UPF2: variants seen among roughly 807,000 people sequenced by gnomAD.
The protein encoded by UPF2 is regulator of nonsense transcripts 2.
A neutral mutation model predicts 141.4 loss-of-function variants in UPF2; 17 were observed. The ratio of observed to expected loss-of-function variants is 0.12; its 90% CI spans 0.08 to 0.18. The LOEUF is 0.18. Ranked by LOEUF, UPF2 falls within the 10% of genes least tolerant of loss-of-function variation. The pLI is 1.00. For missense variants in UPF2, 1,152 were observed against 1,515.9 expected, an observed-to-expected ratio of 0.76 and a Z score of 3.99; for synonymous variants, 540 against 498.0, an observed-to-expected ratio of 1.08 and a Z score of -1.12.
Position 11,959,482 on chromosome 10 carries a change from G to C in UPF2, c.2185-126C>G. On this transcript the variant is annotated intron_variant, in intron 11 of 21. Coordinates refer to ENST00000357604, the MANE Select transcript of UPF2 (RefSeq NM_015542.4). The surrounding 1 kb of genome is among the most constrained non-coding windows in gnomAD (Gnocchi z 5.9). ...GGGTTAGAAAGGCAAAGAAAGGACT[G>C]GGCACTGTGGCTCACACCTATAATC... The C allele has an allele frequency of 1.0e-6, 1 of 996,666 alleles. No individual in the cohort carries two copies. Among genetic ancestry groups the C allele is most frequent in the African/African-American group, 1.6e-5 (1 of 60,846 alleles). The allele number at this position is 996,666 out of a possible 1,614,324, so 61.7% of individuals were successfully genotyped here.
intron 4 of UPF2, among the ~76,000 whole-genome samples, chr10:12,013,752 A>G (rs1477978696): frequency 6.6e-6 from 1 of 152,106 alleles, no homozygotes; most frequent in African/African-American, 2.4e-5. Flanking sequence ...TTTTAATACC[A>G]TTTCTTTATT....
At chr10:12,030,874 ACT>A (rs1158466779) in intron 2 of UPF2, among the ~76,000 whole-genome samples, 2 of 146,662 alleles carry the variant, frequency 1.4e-5, no homozygotes, top group African/African-American at 2.6e-5. Flanking sequence ...ACAGAGCAAG[ACT>A]CTGTCTCAAA....
intron 4 of UPF2, among the ~76,000 whole-genome samples, chr10:12,013,074 G>A (rs1301836803): frequency 2.7e-5 from 4 of 150,430 alleles, no homozygotes; most frequent in Admixed American, 6.6e-5. Context: ...GCAGTGAGCC[G>A]AGATTGTGCC....
At position 11,955,319 on chromosome 10, in the gene UPF2, G is replaced by C. The variant is rs1018460740; in HGVS notation, c.2763C>G (p.Leu921=). ...CACATGTGTCCAGAATAGTGCATAC[G>C]AGTCTAATTCTGAAAAGATGCTCAG... is the stretch of plus-strand genomic sequence containing the variant. The part of the protein sequence containing the change: ...DPPEHLFRIR[L]VCTILDTCGQ... The change falls in exon 14 of 22, where the codon CTC becomes CTG. Residue 921 remains leucine, a synonymous_variant. Transcript: ENST00000357604. The C allele has an allele frequency of 6.2e-7, 1 of 1,614,102 alleles. No individual in the cohort carries two copies. Among genetic ancestry groups the C allele is most frequent in the South Asian group, 1.1e-5 (1 of 91,074 alleles).
At chr10:12,012,627 G>T (rs111824576) in intron 4 of UPF2, among the ~76,000 whole-genome samples, 324 of 151,722 alleles carry the variant, frequency 2.1e-3, no homozygotes, top group African/African-American at 7.5e-3. Flanking sequence ...GTGAAACCCC[G>T]TCTCTACTAA....
chr10:11,938,846 TTTTTTTG>T lies in UPF2; in HGVS notation c.3379-2141_3379-2135del, dbSNP rs1298508857. Reference sequence around the variant, plus strand: ...TAGCCATGTGGTCTTAAGCAAGTTTTTTTTTTGTTTTTTTTTTTTTTTTTTTTTTTTT... The same window carrying T: ...TAGCCATGTGGTCTTAAGCAAGTTTTTTTTTTTTTTTTTTTTTTTTTTTTT... On this transcript the variant is annotated intron_variant, in intron 18 of 21. Coordinates refer to ENST00000357604, the MANE Select transcript of UPF2 (RefSeq NM_015542.4). Among the ~76,000 whole-genome samples, 9 of 118,862 alleles carry T rather than the reference TTTTTTTG, an allele frequency of 7.6e-5. No individual in the cohort carries two copies. In the East Asian group the frequency reaches 8.9e-4, roughly 12 times the overall value. 78.0% of individuals were successfully genotyped at this position (118,862 alleles called of 152,430 possible). A position where few individuals can be genotyped will look rare whatever the true frequency, so the allele number is the denominator to read the frequency against.
At chr10:11,949,823 A>C (rs1399475517) in intron 15 of UPF2, among the ~76,000 whole-genome samples, 1 of 152,244 alleles carries the variant, frequency 6.6e-6, no homozygotes, top group Admixed American at 6.5e-5. Flanking sequence ...CTGAGCCAGT[A>C]ATCCTATCTA....
intron 16 of UPF2, among the ~76,000 whole-genome samples, chr10:11,947,658 G>A (rs117276088): frequency 0.024 from 3,562 of 150,984 alleles, 56 homozygotes; most frequent in Middle Eastern, 0.062. Context: ...ATGGTAGCAC[G>A]TCCACACGGT....
Position 11,921,390 on chromosome 10 carries a change from C to A in UPF2, c.3810-83G>T. ...AAGATGGCGTCTGCAACGCTACCCA[C>A]CACCACCAAGTCACTCCCCCAAGTT... On this transcript the variant is annotated intron_variant, in intron 21 of 21. Coordinates refer to ENST00000357604, the MANE Select transcript of UPF2 (RefSeq NM_015542.4). This position sits in a 1 kb window ranked among gnomAD's most constrained non-coding sequence, Gnocchi z 5.9. The A allele has an allele frequency of 6.4e-7, 1 of 1,565,584 alleles. No individual in the cohort carries two copies. Among genetic ancestry groups the A allele is most frequent in the South Asian group, 1.1e-5 (1 of 89,418 alleles).
chr10:12,029,860 G>T (rs1834485466), intron 2 of UPF2, among the ~76,000 whole-genome samples: 4 of 151,634 alleles, frequency 2.6e-5, no homozygotes, highest in Admixed American at 2.0e-4. Context: ...TATTCAGGAG[G>T]CTGAGGCACA....
chr10:11,925,444 A>AACACAG (rs1259508538), intron 21 of UPF2, among the ~76,000 whole-genome samples: 1 of 152,272 alleles, frequency 6.6e-6, no homozygotes, highest in Admixed American at 6.5e-5. Flanking sequence ...TCAGTGACTG[A>AACACAG]ACACAGACTG....
intron 3 of UPF2, among the ~76,000 whole-genome samples, chr10:12,024,941 A>AAAC (rs1456382819): frequency 7.4e-5 from 11 of 147,738 alleles, no homozygotes; most frequent in Non-Finnish European, 1.5e-4. Flanking sequence ...CAAAAAAAAA[A>AAAC]AAAAAAAAAA....
chr10:11,973,624 CTATT>C (rs1166897278), intron 9 of UPF2, among the ~76,000 whole-genome samples: 2 of 152,304 alleles, frequency 1.3e-5, no homozygotes, highest in Non-Finnish European at 2.9e-5. Flanking sequence ...TTTCCCAACA[CTATT>C]TATTAAATAG....
At position 11,920,975 on chromosome 10, in the gene UPF2, T is replaced by TC. The variant is rs1420943769; in HGVS notation, c.*322dup. 5.0e-6 allele frequency: 3 copies of TC among 596,340 alleles called. No individual in the cohort carries two copies. Among genetic ancestry groups the TC allele is most frequent in the South Asian group, 4.2e-5 (3 of 71,590 alleles). The allele number at this position is 596,340 out of a possible 1,614,324, so 36.9% of individuals were successfully genotyped here. A position where few individuals can be genotyped will look rare whatever the true frequency, so the allele number is the denominator to read the frequency against. The stretch of plus-strand genomic sequence containing the variant: ...CCGTTTCTTCTCTGGCTCAATCATC[T>TC]CCTTCACGCTCTCCTTGGTGTAACT... On this transcript the variant is annotated 3_prime_UTR_variant, in exon 22 of 22. Transcript: ENST00000357604.
At chr10:11,926,738 G>A (rs181867438) in intron 21 of UPF2, among the ~76,000 whole-genome samples, 11 of 152,350 alleles carry the variant, frequency 7.2e-5, no homozygotes, top group African/African-American at 2.4e-4. Context: ...AGCCACTGGG[G>A]TGGGCAATGC....
rs1489977289 is a variant in UPF2, at chr10:11,921,351, G to A, written c.3810-44C>T. On this transcript the variant is annotated intron_variant, in intron 21 of 21. Transcript: ENST00000357604. This position sits in a 1 kb window ranked among gnomAD's most constrained non-coding sequence, Gnocchi z 5.9. ...TCACATCAGAGAGCTTACTGCCACA[G>A]GACAAAGTCCAGCAAGATGGCGTCT... The A allele has an allele frequency of 3.1e-6, 5 of 1,613,646 alleles. No individual in the cohort carries two copies. Among genetic ancestry groups the A allele is most frequent in the Non-Finnish European group, 4.2e-6 (5 of 1,179,776 alleles).
chr10:11,993,138 A>C (rs917595350), intron 8 of UPF2, among the ~76,000 whole-genome samples: 1 of 125,732 alleles, frequency 8.0e-6, no homozygotes, highest in African/African-American at 3.0e-5. Context: ...TGACAGAGTG[A>C]GGCTCCACCT....
chr10:11,948,551 G>A (rs1321885216), intron 15 of UPF2, 43 bp from the exon 16 acceptor site: 1 of 1,600,098 alleles, frequency 6.2e-7, no homozygotes, highest in Non-Finnish European at 8.5e-7. Context: ...ATTAAAAATA[G>A]ACACAGGCTA....
In UPF2 at chr10:11,921,407, C is replaced by T; in HGVS notation, c.3810-100G>A. The T allele has an allele frequency of 3.4e-6, 5 of 1,484,142 alleles. No individual in the cohort carries two copies. Among genetic ancestry groups the T allele is most frequent in the Non-Finnish European group, 4.7e-6 (5 of 1,069,422 alleles). 91.9% of individuals were successfully genotyped at this position (1,484,142 alleles called of 1,614,324 possible). On this transcript the variant is annotated intron_variant, in intron 21 of 21. Transcript: ENST00000357604. The surrounding 1 kb of genome is among the most constrained non-coding windows in gnomAD (Gnocchi z 5.9). ...GCTACCCACCACCACCAAGTCACTC[C>T]CCCAAGTTACAGGTGGCCCTGGCAT...
Sources: gnomAD v4.1 joint callset for allele counts (sites outside exome capture counted in the v4.1 genomes callset) on GRCh38, gnomAD v4.1.1 for gene constraint, Gnocchi (gnomAD v3.1) non-coding constraint, MANE v1.5 for transcripts, NCBI Gene and HGNC (gene_info 2026-07-23, HGNC 2026-07-21) for gene names.